ITPK1: variants seen among roughly 807,000 people sequenced by gnomAD.
ITPK1 encodes the protein inositol 1,3,4-trisphosphate 5/6-kinase.
In ITPK1, 21 loss-of-function variants were observed where a neutral mutation model predicts 45.3. That is an observed-to-expected ratio of 0.46 (90% CI 0.33 to 0.67). The LOEUF is 0.67. ITPK1 is among the 30% of genes least tolerant of loss of function. The pLI is 0.02. For synonymous variants in ITPK1, 258 were observed against 253.6 expected, an observed-to-expected ratio of 1.02 and a Z score of -0.16; for missense variants, 474 against 573.5, an observed-to-expected ratio of 0.83 and a Z score of 1.77.
Position 93,016,598 on chromosome 14 carries a change from T to G in ITPK1, c.246+78A>C. ...TCCAGAGAGCTGCTACCGCCCTAAA[T>G]ACACACACGGCCATTCCAGGGCCTC... On this transcript the variant is annotated intron_variant, in intron 4 of 10. Coordinates refer to ENST00000267615, the MANE Select transcript of ITPK1 (RefSeq NM_014216.6). The surrounding 1 kb of genome is among the most constrained non-coding windows in gnomAD (Gnocchi z 5.0). 1.3e-6 allele frequency: 2 copies of G among 1,526,980 alleles called. No homozygotes were observed. The highest frequency in any genetic ancestry group is 1.8e-6 in the Non-Finnish European group (2 of 1,112,636). The allele number at this position is 1,526,980 out of a possible 1,614,324, so 94.6% of individuals were successfully genotyped here.
intron 2 of ITPK1, among the ~76,000 whole-genome samples, chr14:93,106,858 C>T (rs1030685517): frequency 1.3e-5 from 2 of 152,188 alleles, no homozygotes; most frequent in African/African-American, 2.4e-5. Context: ...CTGGGGTTTC[C>T]TTCCTGGCCC....
intron 2 of ITPK1, among the ~76,000 whole-genome samples, chr14:93,105,650 T>G (rs1172009257): frequency 2.0e-5 from 3 of 147,904 alleles, no homozygotes; most frequent in Non-Finnish European, 4.5e-5. Flanking sequence ...GCCTGCCGAG[T>G]AGTAGCTGGG....
intron 3 of ITPK1, among the ~76,000 whole-genome samples, chr14:93,057,950 C>G (rs1890278975): frequency 6.6e-6 from 1 of 152,194 alleles, no homozygotes. Flanking sequence ...AACCCATCAG[C>G]TCGGCGAGAG....
chr14:93,006,430 G>A (rs1279557907), intron 4 of ITPK1, among the ~76,000 whole-genome samples: 1 of 152,244 alleles, frequency 6.6e-6, no homozygotes, highest in East Asian at 1.9e-4. Context: ...ATTAAAAGGG[G>A]CTGTGTGGGG....
intron 2 of ITPK1, among the ~76,000 whole-genome samples, chr14:93,095,352 T>A (rs1477252598): frequency 6.6e-6 from 1 of 152,248 alleles, no homozygotes; most frequent in Non-Finnish European, 1.5e-5. Context: ...AGAAGTGCTT[T>A]TTTTATCCTA....
chr14:93,103,114 AAAAG>A (rs1231428910), intron 2 of ITPK1, among the ~76,000 whole-genome samples: 25 of 143,406 alleles, frequency 1.7e-4, no homozygotes, highest in East Asian at 6.1e-4. Flanking sequence ...AAAAAAAAAA[AAAAG>A]AAAGAAAGAA....
chr14:92,962,658 T>G (rs1011638176), intron 6 of ITPK1, 93 bp downstream of exon 6: 42 of 996,764 alleles, frequency 4.2e-5, no homozygotes, highest in Non-Finnish European at 6.3e-5. Context: ...CGGGTGAGCT[T>G]AAATCCAGAG....
chr14:92,960,943 C>G (rs142505360), intron 7 of ITPK1, among the ~76,000 whole-genome samples: 1 of 152,370 alleles, frequency 6.6e-6, no homozygotes, highest in South Asian at 2.1e-4. Context: ...CAACTGACAA[C>G]GGGACGGCGG....
At chr14:93,102,542 G>A (rs1892363679) in intron 2 of ITPK1, among the ~76,000 whole-genome samples, 1 of 152,162 alleles carries the variant, frequency 6.6e-6, no homozygotes, top group South Asian at 2.1e-4. Flanking sequence ...GGAGGCTGAG[G>A]TGGAAGGATC....
intron 3 of ITPK1, chr14:93,067,913 TA>T (rs1200329531): frequency 6.7e-6 from 1 of 148,922 alleles, no homozygotes; most frequent in Non-Finnish European, 1.5e-5. Context: ...TCAAATTTTT[TA>T]AAAAAACCAT....
chr14:93,075,885 G>A (rs906448037), intron 3 of ITPK1, among the ~76,000 whole-genome samples: 23 of 152,322 alleles, frequency 1.5e-4, no homozygotes, highest in African/African-American at 5.1e-4. Flanking sequence ...CGGGGACAGC[G>A]TGGGGAACAG....
chr14:92,959,709 T>TAAA (rs869110637), intron 7 of ITPK1, among the ~76,000 whole-genome samples: 1 of 141,956 alleles, frequency 7.0e-6, no homozygotes. Flanking sequence ...AGTTATAGCT[T>TAAA]AAAAAAAAAA....
chr14:93,078,166 C>A (rs1325143190), intron 2 of ITPK1, among the ~76,000 whole-genome samples: 1 of 152,212 alleles, frequency 6.6e-6, no homozygotes, highest in Non-Finnish European at 1.5e-5. Flanking sequence ...ACAAATGCAA[C>A]CTCCACAGTC....
chr14:93,070,647 T>C (rs1890956880), intron 3 of ITPK1: 1 of 152,300 alleles, frequency 6.6e-6, no homozygotes, highest in Non-Finnish European at 1.5e-5. Flanking sequence ...CAGACTCGTC[T>C]TCCAGGGAGC....
rs1595093918 is a variant in ITPK1, at chr14:92,966,222, G to A, written c.365-3373C>T. 2.6e-5 allele frequency among the ~76,000 whole-genome samples: 4 copies of A among 152,200 alleles called. No individual in the cohort carries two copies. The South Asian group carries it at 8.3e-4, about 32-fold the overall frequency. ...GCCCAGACTTGTCTCAAACTCCTTG[G>A]CTCAAGTGATTGTCCCGCCTCAGCC... On this transcript the variant is annotated intron_variant, in intron 5 of 10. Transcript: ENST00000267615.
In ITPK1 at chr14:92,962,800, C is replaced by T. The variant is rs764591641; in HGVS notation, c.414G>A (p.Gly138=). ...TCTCCAGCAGCCGCATGGTGTCATC[C>T]CCGCACAGGCTCGTGAGCTCCATGA... ...PPFMELTSLC[G]DDTMRLLEKN... The change falls in exon 6 of 11, where the codon GGG becomes GGA. Residue 138 remains glycine, a synonymous_variant. Transcript: ENST00000267615. 1 of 1,614,016 alleles carries T rather than the reference C, an allele frequency of 6.2e-7. No homozygotes were observed. The highest frequency in any genetic ancestry group is 8.5e-7 in the Non-Finnish European group (1 of 1,179,944).
intron 3 of ITPK1, among the ~76,000 whole-genome samples, chr14:93,039,046 T>C (rs553359946): frequency 1.3e-5 from 2 of 152,296 alleles, no homozygotes; most frequent in South Asian, 4.2e-4. Context: ...TAAGTTCCCT[T>C]TGCTACCACC....
intron 3 of ITPK1, among the ~76,000 whole-genome samples, chr14:93,024,260 C>A (rs57993357): frequency 0.041 from 6,232 of 152,310 alleles, 236 homozygotes; most frequent in Admixed American, 0.091. Flanking sequence ...CAGTGCTCTT[C>A]TTCCCAAGCC....
At chr14:93,040,308 T>C (rs757260533) in intron 3 of ITPK1, among the ~76,000 whole-genome samples, 1 of 152,126 alleles carries the variant, frequency 6.6e-6, no homozygotes, top group Non-Finnish European at 1.5e-5. Context: ...CTTCCTCCTA[T>C]GAAAGCAGGG....
Sources: allele counts gnomAD v4.1 joint callset (sites outside exome capture counted in the v4.1 genomes callset), GRCh38; gene constraint gnomAD v4.1.1; non-coding constraint Gnocchi (gnomAD v3.1); transcripts MANE v1.5; gene names NCBI Gene and HGNC (gene_info 2026-07-23, HGNC 2026-07-21).